CADPS: variants seen among roughly 807,000 people sequenced by gnomAD.
The protein encoded by CADPS is calcium dependent secretion activator, also known as calcium-dependent secretion activator 1.
Under a neutral mutation model 167.3 loss-of-function variants are expected in CADPS, and 57 were observed. The observed-to-expected ratio is 0.34, with a 90% CI of 0.28 to 0.42. The LOEUF (loss-of-function observed/expected upper bound fraction) is 0.42, where lower values mean the gene tolerates loss of function less well. Among genes scored for constraint, CADPS ranks in the 20% least tolerant of loss-of-function variants. CADPS has a pLI of 1.00. For missense variants in CADPS, 1,414 were observed against 1,738.1 expected, an observed-to-expected ratio of 0.81 and a Z score of 3.32; for synonymous variants, 676 against 635.3, an observed-to-expected ratio of 1.06 and a Z score of -0.96.
At chr3:62,865,167 T>C (rs1040704196) in intron 1 of CADPS, among the ~76,000 whole-genome samples, 11 of 152,166 alleles carry the variant, frequency 7.2e-5, no homozygotes, top group Non-Finnish European at 1.6e-4. Flanking sequence ...AACAACTCTA[T>C]GCCTACCATC....
intron 26 of CADPS, among the ~76,000 whole-genome samples, chr3:62,450,878 C>T (rs1440593582): frequency 6.6e-6 from 1 of 152,084 alleles, no homozygotes; most frequent in Non-Finnish European, 1.5e-5. Flanking sequence ...GTTGAAGAAA[C>T]CAAGGCTAAA....
intron 3 of CADPS, among the ~76,000 whole-genome samples, chr3:62,685,126 C>G (rs1478073246): frequency 1.3e-5 from 2 of 152,058 alleles, no homozygotes; most frequent in South Asian, 2.1e-4. Flanking sequence ...TAATTCACAA[C>G]ACACCTACTT....
intron 1 of CADPS, among the ~76,000 whole-genome samples, chr3:62,862,840 T>A (rs370000189): frequency 1.1e-4 from 16 of 152,242 alleles, no homozygotes; most frequent in African/African-American, 3.9e-4. Flanking sequence ...GAAGCCCTAG[T>A]TGCAGTTAAG....
chr3:62,559,035 T>C (rs1037948506), intron 9 of CADPS, among the ~76,000 whole-genome samples: 3 of 152,204 alleles, frequency 2.0e-5, no homozygotes, highest in Non-Finnish European at 4.4e-5. Flanking sequence ...AGAGTCTTCA[T>C]CTGTATTTAC....
chr3:62,656,442 T>G (rs2071606341), intron 4 of CADPS, among the ~76,000 whole-genome samples: 1 of 152,192 alleles, frequency 6.6e-6, no homozygotes, highest in Non-Finnish European at 1.5e-5. Context: ...CAATAGTTAC[T>G]AGAGTTAAAC....
At chr3:62,673,080 T>C (rs1288195996) in intron 3 of CADPS, among the ~76,000 whole-genome samples, 1 of 152,250 alleles carries the variant, frequency 6.6e-6, no homozygotes, top group East Asian at 1.9e-4. Flanking sequence ...TGTGATTTGC[T>C]TCTTGGCATG....
At chr3:62,523,373 A>G (rs995594583) in intron 13 of CADPS, among the ~76,000 whole-genome samples, 1 of 152,194 alleles carries the variant, frequency 6.6e-6, no homozygotes, top group Non-Finnish European at 1.5e-5. Flanking sequence ...ATTTGAAATT[A>G]AGTGTGAACA....
At chr3:62,677,898 C>T (rs1278797145) in intron 3 of CADPS, among the ~76,000 whole-genome samples, 2 of 152,058 alleles carry the variant, frequency 1.3e-5, no homozygotes, top group African/African-American at 2.4e-5. Context: ...AAGAACAATC[C>T]AGACAGGTAT....
In CADPS at chr3:62,571,054, C is replaced by G; in HGVS notation, c.1578-116G>C. On this transcript the variant is annotated intron_variant, in intron 8 of 29. Coordinates refer to ENST00000383710, the MANE Select transcript of CADPS (RefSeq NM_003716.4). ...CAAGGAAACGCACATGGCTCAGGAA[C>G]GGGGCGCAGATTTTGGAGCTCTGTG... The G allele has an allele frequency of 5.4e-6, 4 of 734,932 alleles. 1 individual carries two copies. In the South Asian group the frequency reaches 6.4e-5, roughly 12 times the overall value. The allele number at this position is 734,932 out of a possible 1,614,324, so 45.5% of individuals were successfully genotyped here. A position where few individuals can be genotyped will look rare whatever the true frequency, so the allele number is the denominator to read the frequency against.
At chr3:62,589,482 G>A (rs1205429040) in intron 7 of CADPS, among the ~76,000 whole-genome samples, 1 of 152,274 alleles carries the variant, frequency 6.6e-6, no homozygotes, top group East Asian at 1.9e-4. Flanking sequence ...CCACAGCACA[G>A]CCCAGGGTTT....
chr3:62,584,095 C>G (rs2084048942), intron 8 of CADPS, among the ~76,000 whole-genome samples: 1 of 151,470 alleles, frequency 6.6e-6, no homozygotes, highest in African/African-American at 2.4e-5. Flanking sequence ...ACCTCTGCCT[C>G]CTGAGTTCAA....
rs986178809 is a variant in CADPS at position 62,856,876 on chromosome 3, A to G, written c.441+17713T>C. On this transcript the variant is annotated intron_variant, in intron 1 of 29. Transcript: ENST00000383710. Reference sequence around the variant, plus strand: ...AAAAATATAAAGGTAAAAAAAAAAAACACTATAAGTAGTAGAAGAAGATAG... The same window carrying G: ...AAAAATATAAAGGTAAAAAAAAAAAGCACTATAAGTAGTAGAAGAAGATAG... Among the ~76,000 whole-genome samples, 3 of 151,330 alleles carry G rather than the reference A, an allele frequency of 2.0e-5. No homozygotes were observed. In the East Asian group the frequency reaches 5.8e-4, roughly 29 times the overall value.
intron 26 of CADPS, among the ~76,000 whole-genome samples, chr3:62,461,714 G>C (rs906320058): frequency 6.6e-5 from 10 of 152,184 alleles, no homozygotes; most frequent in African/African-American, 2.4e-5. Context: ...CCTCTGCAGA[G>C]AGACCTTGCC....
chr3:62,585,580 C>T (rs752704870), intron 7 of CADPS, among the ~76,000 whole-genome samples: 7 of 152,084 alleles, frequency 4.6e-5, no homozygotes, highest in African/African-American at 1.4e-4. Context: ...AATGTTCAGA[C>T]GTACTAAACA....
At chr3:62,790,615 C>A (rs371815400) in intron 1 of CADPS, among the ~76,000 whole-genome samples, 4 of 152,162 alleles carry the variant, frequency 2.6e-5, no homozygotes, top group South Asian at 4.1e-4. Context: ...TTCTAACTAC[C>A]AAGAACTTCA....
chr3:62,792,143 T>A (rs1375105352), intron 1 of CADPS, among the ~76,000 whole-genome samples: 1 of 152,164 alleles, frequency 6.6e-6, no homozygotes, highest in Non-Finnish European at 1.5e-5. Context: ...GGACATATTG[T>A]TCATTATATA....
At chr3:62,522,197 C>T (rs1334375925) in intron 13 of CADPS, among the ~76,000 whole-genome samples, 3 of 152,046 alleles carry the variant, frequency 2.0e-5, no homozygotes, top group African/African-American at 4.8e-5. Flanking sequence ...AGTGCAGTGG[C>T]GCAATCTCTG....
intron 3 of CADPS, among the ~76,000 whole-genome samples, chr3:62,696,717 G>A (rs1178187702): frequency 3.3e-5 from 5 of 151,962 alleles, no homozygotes; most frequent in Admixed American, 2.6e-4. Context: ...CTTGATGTTC[G>A]ATCCTCTGTT....
At chr3:62,459,886 A>G (rs2059126580) in intron 26 of CADPS, among the ~76,000 whole-genome samples, 2 of 152,242 alleles carry the variant, frequency 1.3e-5, no homozygotes, top group Admixed American at 1.3e-4. Flanking sequence ...TTGAATGTCT[A>G]TTACTTCAGT....
Sources: allele counts gnomAD v4.1 joint callset (sites outside exome capture counted in the v4.1 genomes callset), GRCh38; gene constraint gnomAD v4.1.1; transcripts MANE v1.5; gene names NCBI Gene and HGNC (gene_info 2026-07-23, HGNC 2026-07-21).